Variants in VMA12 observed in about 807,000 individuals in gnomAD.
VMA12 encodes vacuolar ATPase assembly protein VMA12.
the VMA12 span, chr17:28,357,832 G>C: frequency 1.9e-6 from 3 of 1,614,104 alleles, no homozygotes; most frequent in Admixed American, 3.3e-5. Flanking sequence ...CCCAACGCTT[G>C]GTTTCTTTCC....
chr17:28,361,436 G>A, the VMA12 span: 4 of 599,344 alleles, frequency 6.7e-6, no homozygotes, highest in Non-Finnish European at 1.2e-5. Flanking sequence ...AGGGAGCATT[G>A]GAGGAGATTG....
chr17:28,361,089 T>C, the VMA12 span: 1 of 1,493,310 alleles, frequency 6.7e-7, no homozygotes, highest in South Asian at 1.1e-5. Context: ...CCATCCTCAT[T>C]AAAGTTGCTG....
chr17:28,360,362 A>C, the VMA12 span: 2 of 627,190 alleles, frequency 3.2e-6, no homozygotes, highest in South Asian at 3.7e-5. Flanking sequence ...CTCTCTCCGA[A>C]ATGCCTGCTC....
At chr17:28,360,271 C>A in the VMA12 span, 1 of 375,838 alleles carries the variant, frequency 2.7e-6, no homozygotes, top group Admixed American at 3.9e-5. Flanking sequence ...TCGAGCATTT[C>A]TTCTGACAGG....
At chr17:28,358,106 C>T in the VMA12 span, 1 of 573,920 alleles carries the variant, frequency 1.7e-6, no homozygotes, top group East Asian at 2.9e-5. Context: ...CCCCTCTTCA[C>T]TTCCAGGCAC....
chr17:28,362,459 T>A, the VMA12 span: 4 of 152,236 alleles, frequency 2.6e-5, no homozygotes, highest in East Asian at 7.7e-4. Context: ...GTTGGGAGTT[T>A]AAGACCAGCA....
chr17:28,357,718 C>A, the VMA12 span: 2 of 1,613,188 alleles, frequency 1.2e-6, no homozygotes, highest in Non-Finnish European at 1.7e-6. Flanking sequence ...GTGCTTTGGG[C>A]CCCGGCGGGG....
At chr17:28,360,848 G>A in the VMA12 span, 1 of 1,613,292 alleles carries the variant, frequency 6.2e-7, no homozygotes. Context: ...AATGGCCTCG[G>A]TGAGTAGGCA....
the VMA12 span, chr17:28,359,742 A>G: frequency 6.0e-3 from 1,044 of 174,702 alleles, 13 homozygotes; most frequent in African/African-American, 0.024. Context: ...CCGTCTTTAC[A>G]AAAAATACAA....
At chr17:28,359,365 T>G in the VMA12 span, 1 of 1,614,052 alleles carries the variant, frequency 6.2e-7, no homozygotes, top group Non-Finnish European at 8.5e-7. Context: ...AGCTGGCCAA[T>G]GAGGAATATA....
chr17:28,358,056 A>T, the VMA12 span: 1 of 695,970 alleles, frequency 1.4e-6, no homozygotes, highest in African/African-American at 1.8e-5. Context: ...TTTCTCGTGG[A>T]TGACAAATTT....
At chr17:28,360,420 G>C in the VMA12 span, 2 of 1,009,192 alleles carry the variant, frequency 2.0e-6, no homozygotes, top group Non-Finnish European at 3.0e-6. Flanking sequence ...AGAATCCATG[G>C]GGAGGGCAGA....
At chr17:28,359,462 G>C in the VMA12 span, 1,955 of 1,516,722 alleles carry the variant, frequency 1.3e-3, 32 homozygotes, top group African/African-American at 0.024. Context: ...GGGCCCTGCA[G>C]TGGAAGAAGA....
chr17:28,359,469 AAGATAC>A, the VMA12 span: 4 of 1,484,842 alleles, frequency 2.7e-6, no homozygotes, highest in Admixed American at 3.5e-5. Context: ...GCAGTGGAAG[AAGATAC>A]AGAGTTTAGA....
chr17:28,363,564 T>TA, the VMA12 span: 1 of 152,214 alleles, frequency 6.6e-6, no homozygotes, highest in Non-Finnish European at 1.5e-5. Flanking sequence ...GTGATGGTGA[T>TA]ACCAAAACCC....
At chr17:28,359,281 A>T in the VMA12 span, 1 of 1,608,294 alleles carries the variant, frequency 6.2e-7, no homozygotes, top group Admixed American at 1.7e-5. Context: ...CAAGCTGGGA[A>T]TATCATTCTT....
the VMA12 span, chr17:28,361,290 G>T: frequency 1.1e-5 from 18 of 1,598,552 alleles, no homozygotes; most frequent in East Asian, 3.1e-4. Context: ...AGACTTTGGG[G>T]GCTTCAGGCT....
At chr17:28,361,456 A>G in the VMA12 span, 1 of 570,504 alleles carries the variant, frequency 1.8e-6, no homozygotes. Context: ...GAGATAACAC[A>G]TCTTTAAAAC....
chr17:28,361,283 C>T, the VMA12 span: 16 of 1,607,064 alleles, frequency 1.0e-5, no homozygotes, highest in Non-Finnish European at 1.3e-5. Context: ...CTAGAGAAGA[C>T]TTTGGGGGCT....
Sources: allele counts gnomAD v4.1 joint callset, GRCh38; gene constraint gnomAD v4.1.1; transcripts MANE v1.5; gene names NCBI Gene and HGNC (gene_info 2026-07-23, HGNC 2026-07-21).